The following SLC38A12 variants were observed in gnomAD, a reference collection of about 807,000 sequenced individuals.
SLC38A12 encodes solute carrier family 38 member 12, also known as putative sodium-coupled neutral amino acid transporter 12.
the SLC38A12 span, among the ~76,000 whole-genome samples, chr17:74,783,554 C>G: frequency 6.6e-6 from 1 of 151,934 alleles, no homozygotes; most frequent in South Asian, 2.1e-4. Flanking sequence ...GTACTGCAGG[C>G]AGAGCACTTT....
the SLC38A12 span, among the ~76,000 whole-genome samples, chr17:74,817,051 G>A: frequency 6.0e-5 from 8 of 132,848 alleles, no homozygotes; most frequent in African/African-American, 1.5e-4. Flanking sequence ...CGGCCACACC[G>A]TGGCGTGGCA....
chr17:74,830,737 C>A, the SLC38A12 span, among the ~76,000 whole-genome samples: 1 of 152,252 alleles, frequency 6.6e-6, no homozygotes, highest in Admixed American at 6.5e-5. Flanking sequence ...TGGCCTCTGG[C>A]AGCTCAGGAC....
At chr17:74,815,922 G>C in the SLC38A12 span, among the ~76,000 whole-genome samples, 4 of 152,122 alleles carry the variant, frequency 2.6e-5, no homozygotes, top group Non-Finnish European at 5.9e-5. Flanking sequence ...GTACTTCCGG[G>C]TCCTCAGCAA....
At chr17:74,825,213 G>A in the SLC38A12 span, among the ~76,000 whole-genome samples, 5 of 152,170 alleles carry the variant, frequency 3.3e-5, no homozygotes, top group East Asian at 3.8e-4. Flanking sequence ...AGCCCTGCAC[G>A]GCCCAGGTCT....
the SLC38A12 span, among the ~76,000 whole-genome samples, chr17:74,811,737 A>C: frequency 6.9e-6 from 1 of 145,978 alleles, no homozygotes; most frequent in African/African-American, 2.6e-5. Context: ...AAAAAAGAAA[A>C]GAATAGTATT....
chr17:74,838,039 G>A, the SLC38A12 span: 5 of 985,706 alleles, frequency 5.1e-6, no homozygotes, highest in Non-Finnish European at 4.8e-6. Context: ...ACAGAGCGAC[G>A]ATGTAGGGTC....
the SLC38A12 span, among the ~76,000 whole-genome samples, chr17:74,808,935 G>T: frequency 5.3e-5 from 8 of 152,300 alleles, no homozygotes; most frequent in East Asian, 1.5e-3. Flanking sequence ...CATGGCATTA[G>T]GTTCCCTCCC....
the SLC38A12 span, among the ~76,000 whole-genome samples, chr17:74,816,660 CAG>C: frequency 1.3e-5 from 2 of 152,122 alleles, no homozygotes; most frequent in African/African-American, 4.8e-5. Flanking sequence ...TATTAGAAAT[CAG>C]AGTTTTCTTT....
chr17:74,795,594 G>T, the SLC38A12 span: 1 of 1,614,064 alleles, frequency 6.2e-7, no homozygotes, highest in Non-Finnish European at 8.5e-7. Context: ...CCGGTGCTGG[G>T]GGCCCCTGCG....
At chr17:74,818,989 T>C in the SLC38A12 span, among the ~76,000 whole-genome samples, 1 of 152,238 alleles carries the variant, frequency 6.6e-6, no homozygotes, top group African/African-American at 2.4e-5. Flanking sequence ...TGACTTTTGT[T>C]TTTTGAGTCA....
chr17:74,829,717 G>A, the SLC38A12 span, among the ~76,000 whole-genome samples: 4 of 152,132 alleles, frequency 2.6e-5, no homozygotes, highest in African/African-American at 7.2e-5. This position sits in a 1 kb window ranked among gnomAD's most constrained non-coding sequence, Gnocchi z 4.1. Context: ...CCCCCAGAGC[G>A]GAGGTAGGGG....
At chr17:74,838,968 GA>G in the SLC38A12 span, 13 of 1,535,610 alleles carry the variant, frequency 8.5e-6, no homozygotes, top group Non-Finnish European at 1.1e-5. Flanking sequence ...CGTTGTGGAG[GA>G]AAGCTTAAAC....
chr17:74,801,797 T>C, the SLC38A12 span, among the ~76,000 whole-genome samples: 1 of 152,158 alleles, frequency 6.6e-6, no homozygotes, highest in East Asian at 1.9e-4. Context: ...TGTTCTTGCT[T>C]GCTTGCTTTT....
At chr17:74,790,378 G>T in the SLC38A12 span, 1 of 1,257,860 alleles carries the variant, frequency 8.0e-7, no homozygotes, top group South Asian at 1.2e-5. Context: ...CCCTGGAGAG[G>T]CTCCCCGCAG....
At chr17:74,836,441 C>T in the SLC38A12 span, 5 of 1,608,448 alleles carry the variant, frequency 3.1e-6, no homozygotes, top group East Asian at 2.2e-5. The surrounding 1 kb of genome is among the most constrained non-coding windows in gnomAD (Gnocchi z 4.2). Flanking sequence ...CCTTCTGCAC[C>T]CACGACCTGG....
chr17:74,792,596 C>CCGTTTGT, the SLC38A12 span, among the ~76,000 whole-genome samples: 17 of 152,348 alleles, frequency 1.1e-4, no homozygotes, highest in Admixed American at 1.1e-3. Flanking sequence ...TGTCAAAGCC[C>CCGTTTGT]CGTTTGTCGA....
the SLC38A12 span, among the ~76,000 whole-genome samples, chr17:74,820,561 G>A: frequency 6.6e-6 from 1 of 152,354 alleles, no homozygotes; most frequent in Non-Finnish European, 1.5e-5. Flanking sequence ...GCCCTCTGTG[G>A]CCAGCACGGC....
chr17:74,807,074 A>C, the SLC38A12 span, among the ~76,000 whole-genome samples: 34 of 152,214 alleles, frequency 2.2e-4, no homozygotes, highest in South Asian at 6.8e-3. Context: ...GGTCTGCCCC[A>C]GTCTCCTGGA....
the SLC38A12 span, among the ~76,000 whole-genome samples, chr17:74,822,873 A>G: frequency 6.6e-6 from 1 of 152,120 alleles, no homozygotes; most frequent in Non-Finnish European, 1.5e-5. Context: ...GACGAAGGGG[A>G]TGGAGGTCCC....
Sources: allele counts gnomAD v4.1 joint callset (sites outside exome capture counted in the v4.1 genomes callset), GRCh38; gene constraint gnomAD v4.1.1; non-coding constraint Gnocchi (gnomAD v3.1); transcripts MANE v1.5; gene names NCBI Gene and HGNC (gene_info 2026-07-23, HGNC 2026-07-21).